The following CHSY3 variants were observed in gnomAD, a reference collection of about 807,000 sequenced individuals.
CHSY3 encodes chondroitin sulfate synthase 3.
Under a neutral mutation model 67.2 loss-of-function variants are expected in CHSY3, and 35 were observed. That is an observed-to-expected ratio of 0.52 (90% CI 0.40 to 0.69). CHSY3 has a LOEUF of 0.69. CHSY3 is among the 30% of genes least tolerant of loss of function. CHSY3 has a pLI of 0.00. For missense variants in CHSY3, 1,069 were observed against 1,138.5 expected (o/e 0.94, Z 0.88); for synonymous variants, 474 against 434.7 (o/e 1.09, Z -1.12).
chr5:130,047,297 A>C (rs1765182194), intron 2 of CHSY3, among the ~76,000 whole-genome samples: 1 of 152,024 alleles, frequency 6.6e-6, no homozygotes, highest in South Asian at 2.1e-4. Context: ...TGCTTTTAGG[A>C]GTTGAAATGG....
intron 2 of CHSY3, among the ~76,000 whole-genome samples, chr5:130,025,814 A>C (rs185951244): frequency 6.6e-6 from 1 of 152,226 alleles, no homozygotes; most frequent in Admixed American, 6.6e-5. Flanking sequence ...ATGCATGTCC[A>C]AATATGATCA....
In CHSY3 at chr5:130,124,859, G is replaced by C. The variant is rs534486870; in HGVS notation, c.1087-59370G>C. 2.6e-5 allele frequency among the ~76,000 whole-genome samples: 4 copies of C among 152,288 alleles called. No homozygotes were observed. The East Asian group carries it at 5.8e-4, about 22-fold the overall frequency. ...AACTGAAAGTATAATAATAAAAAAA[G>C]AGTTAAAAAAATGCAGCTCTTCAAA... On this transcript the variant is annotated intron_variant, in intron 2 of 2. Transcript: ENST00000305031.
chr5:130,046,737 T>C (rs1368934385), intron 2 of CHSY3, among the ~76,000 whole-genome samples: 1 of 152,040 alleles, frequency 6.6e-6, no homozygotes, highest in Non-Finnish European at 1.5e-5. Context: ...AATAAATAAT[T>C]TTTACAGATA....
At chr5:130,176,741 A>C (rs1199532430) in intron 2 of CHSY3, among the ~76,000 whole-genome samples, 2 of 152,148 alleles carry the variant, frequency 1.3e-5, no homozygotes, top group Non-Finnish European at 2.9e-5. Flanking sequence ...CTGACACAGG[A>C]ACAGAAAACC....
chr5:129,989,322 T>TGG (rs1391166443), intron 2 of CHSY3, among the ~76,000 whole-genome samples: 3 of 148,372 alleles, frequency 2.0e-5, no homozygotes, highest in Admixed American at 6.9e-5. Context: ...AGTGCAATGG[T>TGG]GGGATCTCGG....
At chr5:130,086,778 T>C (rs1392678423) in intron 2 of CHSY3, among the ~76,000 whole-genome samples, 1 of 152,052 alleles carries the variant, frequency 6.6e-6, no homozygotes, top group Admixed American at 6.6e-5. Context: ...AGCCGAATTC[T>C]ACCAGAGGTA....
intron 2 of CHSY3, among the ~76,000 whole-genome samples, chr5:130,067,253 A>G (rs1373192372): frequency 6.6e-6 from 1 of 152,034 alleles, no homozygotes; most frequent in African/African-American, 2.4e-5. Flanking sequence ...CAATCATTTT[A>G]TATCCTGTGT....
chr5:130,055,857 C>T (rs537431414), intron 2 of CHSY3, among the ~76,000 whole-genome samples: 235 of 152,152 alleles, frequency 1.5e-3, no homozygotes, highest in Non-Finnish European at 3.1e-3. Context: ...CACCTTCATC[C>T]CTCTCCCTGC....
chr5:130,006,652 A>G (rs955158148), intron 2 of CHSY3, among the ~76,000 whole-genome samples: 2 of 152,236 alleles, frequency 1.3e-5, no homozygotes, highest in African/African-American at 4.8e-5. Flanking sequence ...GGTTACCCTC[A>G]ACAATATTTT....
rs184775790 is a variant in CHSY3 at position 129,976,623 on chromosome 5, T to C, written c.1086+68263T>C. Among the ~76,000 whole-genome samples the C allele has an allele frequency of 2.3e-3, 345 of 152,202 alleles. 1 individual carries two copies. Among genetic ancestry groups the C allele is most frequent in the Admixed American group, 5.5e-3 (84 of 15,264 alleles). ...GAGTATTTAATATAGAACTTCCTGATTGGAAGACTTACATATACCTGAAAA... is the reference window on the plus strand; with the variant it reads ...GAGTATTTAATATAGAACTTCCTGACTGGAAGACTTACATATACCTGAAAA... On this transcript the variant is annotated intron_variant, in intron 2 of 2. Transcript: ENST00000305031.
intron 2 of CHSY3, among the ~76,000 whole-genome samples, chr5:130,016,032 T>A (rs1764210969): frequency 6.6e-6 from 1 of 152,140 alleles, no homozygotes; most frequent in African/African-American, 2.4e-5. Context: ...AGCTAAACAT[T>A]TAGGACATAT....
Position 130,054,281 on chromosome 5 carries a change from G to A in CHSY3, c.1087-129948G>A, listed in dbSNP as rs559662239. Among the ~76,000 whole-genome samples, 219 of 152,046 alleles carry A rather than the reference G, an allele frequency of 1.4e-3. 1 individual carries two copies. The highest frequency in any genetic ancestry group is 5.2e-3 in the African/African-American group (216 of 41,472). ...CTGAAAATTAGTTGATTTTTATTAT[G>A]GATATAGCCTCCTATTTCCCTGATG... On this transcript the variant is annotated intron_variant, in intron 2 of 2. Transcript: ENST00000305031.
At chr5:130,103,112 C>T (rs1331100260) in intron 2 of CHSY3, among the ~76,000 whole-genome samples, 2 of 151,960 alleles carry the variant, frequency 1.3e-5, no homozygotes, top group Admixed American at 1.3e-4. Context: ...GCCAGATGAA[C>T]ATATGGCAGA....
intron 2 of CHSY3, among the ~76,000 whole-genome samples, chr5:130,118,680 C>T (rs1180328044): frequency 6.6e-6 from 1 of 152,050 alleles, no homozygotes; most frequent in Non-Finnish European, 1.5e-5. Flanking sequence ...CCTTTTTCCA[C>T]ATGTAACCTT....
At chr5:130,029,936 A>C (rs1027487692) in intron 2 of CHSY3, among the ~76,000 whole-genome samples, 1 of 152,182 alleles carries the variant, frequency 6.6e-6, no homozygotes, top group African/African-American at 2.4e-5. Context: ...ATAGCCAAAA[A>C]TGTAAGAAGT....
chr5:129,959,198 T>C (rs1762262228), intron 2 of CHSY3, among the ~76,000 whole-genome samples: 1 of 152,136 alleles, frequency 6.6e-6, no homozygotes, highest in Admixed American at 6.6e-5. Context: ...TTTTCATTTA[T>C]CTTTCTTCAT....
At chr5:130,040,940 G>T (rs1367281235) in intron 2 of CHSY3, among the ~76,000 whole-genome samples, 1 of 152,150 alleles carries the variant, frequency 6.6e-6, no homozygotes, top group African/African-American at 2.4e-5. Context: ...CAGCAAAATT[G>T]CTTGGCTGTT....
At chr5:130,072,233 T>A (rs1475083574) in intron 2 of CHSY3, among the ~76,000 whole-genome samples, 1 of 152,118 alleles carries the variant, frequency 6.6e-6, no homozygotes, top group African/African-American at 2.4e-5. Context: ...CCAAGAGCAA[T>A]GTTTTGGAGA....
At chr5:130,003,161 G>A (rs750953397) in intron 2 of CHSY3, among the ~76,000 whole-genome samples, 58 of 152,204 alleles carry the variant, frequency 3.8e-4, no homozygotes, top group Non-Finnish European at 7.9e-4. Flanking sequence ...GTGAGGACTC[G>A]GCTGGAATAT....
Sources: gnomAD v4.1 joint callset for allele counts (sites outside exome capture counted in the v4.1 genomes callset) on GRCh38, gnomAD v4.1.1 for gene constraint, MANE v1.5 for transcripts, NCBI Gene and HGNC (gene_info 2026-07-23, HGNC 2026-07-21) for gene names.